CSMD3: variants seen among roughly 807,000 people sequenced by gnomAD.
The protein encoded by CSMD3 is CUB and sushi domain-containing protein 3.
CSMD3 carries 177 observed loss-of-function variants against 435.2 expected under a neutral mutation model. The observed-to-expected ratio is 0.41, with a 90% CI of 0.36 to 0.46. The LOEUF (loss-of-function observed/expected upper bound fraction) is 0.46. Among genes scored for constraint, CSMD3 ranks in the 20% least tolerant of loss-of-function variants. CSMD3 has a pLI of 0.34. For missense variants in CSMD3, 4,265 were observed against 4,504.6 expected (o/e 0.95, Z 1.52); for synonymous variants, 1,656 against 1,520.5 (o/e 1.09, Z -2.07).
At chr8:112,358,703 C>A (rs1053851461) in intron 38 of CSMD3, among the ~76,000 whole-genome samples, 4 of 152,156 alleles carry the variant, frequency 2.6e-5, no homozygotes, top group Admixed American at 6.5e-5. Flanking sequence ...TGAGGCTTCA[C>A]CAGCCCTGTG....
intron 7 of CSMD3, among the ~76,000 whole-genome samples, chr8:112,975,403 C>A (rs959721093): frequency 7.2e-5 from 11 of 152,010 alleles, no homozygotes; most frequent in African/African-American, 2.7e-4. Flanking sequence ...ATTTGCATAA[C>A]ATAAAAATAT....
intron 2 of CSMD3, among the ~76,000 whole-genome samples, chr8:113,287,457 T>A (rs1168773529): frequency 6.6e-6 from 1 of 152,024 alleles, no homozygotes. Context: ...CAATAATTCA[T>A]GGTTATGTCA....
At chr8:112,648,766 T>C (rs1240357232) in intron 19 of CSMD3, among the ~76,000 whole-genome samples, 4 of 152,184 alleles carry the variant, frequency 2.6e-5, no homozygotes, top group Admixed American at 2.6e-4. Flanking sequence ...TACCTTTCTT[T>C]CGTGGTGAAT....
At chr8:112,898,763 T>G (rs763932390) in intron 10 of CSMD3, among the ~76,000 whole-genome samples, 8 of 151,290 alleles carry the variant, frequency 5.3e-5, no homozygotes, top group Non-Finnish European at 1.0e-4. Flanking sequence ...AATCACAGTA[T>G]GTTTTATCTT....
chr8:112,882,927 C>A (rs973012123), intron 10 of CSMD3, among the ~76,000 whole-genome samples: 3 of 151,818 alleles, frequency 2.0e-5, no homozygotes, highest in Non-Finnish European at 4.4e-5. Context: ...TCTCAAAATT[C>A]TAAATAAGAA....
intron 35 of CSMD3, among the ~76,000 whole-genome samples, chr8:112,395,241 C>T (rs1021643851): frequency 1.3e-5 from 2 of 152,054 alleles, no homozygotes; most frequent in African/African-American, 4.8e-5. Context: ...TCCAATTCTG[C>T]CTTTTTATCT....
At chr8:112,426,369 C>T (rs529990260) in intron 32 of CSMD3, among the ~76,000 whole-genome samples, 1 of 152,018 alleles carries the variant, frequency 6.6e-6, no homozygotes, top group South Asian at 2.1e-4. Flanking sequence ...TAAACATAGT[C>T]ATGTTTAATT....
chr8:113,003,909 C>T (rs1564198023), intron 6 of CSMD3, among the ~76,000 whole-genome samples: 1 of 151,822 alleles, frequency 6.6e-6, no homozygotes. Context: ...AATACATTGG[C>T]CTTACCGGAT....
At chr8:112,305,783 CT>C (rs1279456016) in intron 51 of CSMD3, among the ~76,000 whole-genome samples, 2 of 152,014 alleles carry the variant, frequency 1.3e-5, no homozygotes, top group Non-Finnish European at 2.9e-5. Flanking sequence ...ATAAAAGTGC[CT>C]TTTTTGACAT....
chr8:113,057,312 A>C (rs943076512), intron 5 of CSMD3, among the ~76,000 whole-genome samples: 7 of 152,170 alleles, frequency 4.6e-5, no homozygotes, highest in African/African-American at 1.7e-4. Context: ...ATTATTCACC[A>C]ATCTATCTTA....
intron 5 of CSMD3, among the ~76,000 whole-genome samples, chr8:113,019,632 T>A (rs1330457586): frequency 6.6e-6 from 1 of 150,772 alleles, no homozygotes; most frequent in Non-Finnish European, 1.5e-5. Context: ...CTAGTCAACG[T>A]GCTTCTCATA....
intron 1 of CSMD3, among the ~76,000 whole-genome samples, chr8:113,337,549 A>T (rs569508936): frequency 6.6e-6 from 1 of 152,282 alleles, no homozygotes; most frequent in South Asian, 2.1e-4. Flanking sequence ...AATACATAGA[A>T]GTAAAACTTT....
intron 1 of CSMD3, among the ~76,000 whole-genome samples, chr8:113,394,172 A>ACC (rs150642403): frequency 0.24 from 35,574 of 151,152 alleles, 4,875 homozygotes; most frequent in East Asian, 0.46. Flanking sequence ...ACACACACAC[A>ACC]CACACACACA....
At chr8:112,568,734 A>G (rs1486828898) in intron 24 of CSMD3, among the ~76,000 whole-genome samples, 4 of 152,142 alleles carry the variant, frequency 2.6e-5, no homozygotes, top group Non-Finnish European at 5.9e-5. Flanking sequence ...TAAAAATATT[A>G]ATCATGAGTC....
At chr8:113,378,379 T>C (rs940186994) in intron 1 of CSMD3, among the ~76,000 whole-genome samples, 1 of 152,198 alleles carries the variant, frequency 6.6e-6, no homozygotes. Flanking sequence ...CAAACTGACA[T>C]TCCTTGTTTA....
chr8:112,643,110 C>T (rs766317217), intron 20 of CSMD3, among the ~76,000 whole-genome samples: 1 of 152,068 alleles, frequency 6.6e-6, no homozygotes, highest in Non-Finnish European at 1.5e-5. Context: ...ACATGGTAGT[C>T]TCAGAATGGT....
At chr8:112,367,641 T>C (rs747795518) in intron 38 of CSMD3, among the ~76,000 whole-genome samples, 1 of 152,204 alleles carries the variant, frequency 6.6e-6, no homozygotes, top group Non-Finnish European at 1.5e-5. Context: ...AACTACTGCC[T>C]TCAGAGTTTC....
intron 10 of CSMD3, among the ~76,000 whole-genome samples, chr8:112,900,436 C>G (rs1421225769): frequency 6.6e-6 from 1 of 151,096 alleles, no homozygotes; most frequent in East Asian, 2.0e-4. Context: ...TATTTGAGTC[C>G]TCTAAGCTCA....
At chr8:113,139,999 A>G (rs1170173882) in intron 4 of CSMD3, among the ~76,000 whole-genome samples, 1 of 151,094 alleles carries the variant, frequency 6.6e-6, no homozygotes, top group Non-Finnish European at 1.5e-5. Flanking sequence ...TGCAATATGC[A>G]AGCACAAGGT....
Sources: gnomAD v4.1 joint callset for allele counts (sites outside exome capture counted in the v4.1 genomes callset) on GRCh38, gnomAD v4.1.1 for gene constraint, MANE v1.5 for transcripts, NCBI Gene and HGNC (gene_info 2026-07-23, HGNC 2026-07-21) for gene names.